Variants in ZNF778 observed in about 807,000 individuals in gnomAD.
The protein encoded by ZNF778 is zinc finger protein 778.
ZNF778 carries 37 observed loss-of-function variants against 23.9 expected under a neutral mutation model. That is an observed-to-expected ratio of 1.54 (90% confidence interval 1.19 to 2.03). The LOEUF is 2.03. Ranked by LOEUF, ZNF778 falls within the 30% of genes most tolerant of loss-of-function variation. ZNF778 has a pLI of 0.00. For synonymous variants in ZNF778, 483 were observed against 343.9 expected (o/e 1.40, Z -4.48); for missense variants, 1,297 against 934.4 (o/e 1.39, Z -5.06).
At chr16:89,224,682 G>A (rs1460121999) in intron 4 of ZNF778, 37 bp from the exon 5 acceptor site, 2 of 1,465,338 alleles carry the variant, frequency 1.4e-6, no homozygotes, top group South Asian at 1.2e-5. Context: ...TCCCCTGCCT[G>A]AGCCTCTTCC....
intron 3 of ZNF778, among the ~76,000 whole-genome samples, chr16:89,222,452 C>T (rs1326899088): frequency 6.6e-6 from 1 of 152,224 alleles, no homozygotes; most frequent in Admixed American, 6.5e-5. Context: ...CAATCTCCGC[C>T]TCCCAGGTTC....
rs571870646 is a variant in ZNF778, at chr16:89,226,616, A to T, written c.406-78A>T. Reference sequence around the variant, plus strand: ...GGCAAAAATCGTAATCATCATCGTCATGCTCTGTCTTCAGCTGGGTGAGAT... The same window carrying T: ...GGCAAAAATCGTAATCATCATCGTCTTGCTCTGTCTTCAGCTGGGTGAGAT... On this transcript the variant is annotated intron_variant, in intron 6 of 6. Coordinates refer to ENST00000433976, the MANE Select transcript of ZNF778 (RefSeq NM_001201407.2). The T allele has an allele frequency of 3.3e-5, 43 of 1,302,014 alleles. No homozygotes were observed. In the African/African-American group the frequency reaches 5.0e-4, roughly 15 times the overall value. 80.7% of individuals were successfully genotyped at this position (1,302,014 alleles called of 1,614,324 possible).
Position 89,230,034 on chromosome 16 carries a change from C to G in ZNF778, c.*1472C>G, listed in dbSNP as rs1032465816. On this transcript the variant is annotated 3_prime_UTR_variant, in exon 7 of 7. Transcript: ENST00000433976. Reference sequence around the variant, plus strand: ...CTCTGGTTGGTTAGTCTTAAGTATCCAGATGGGATCCTGTATGAGCAGCGT... The same window carrying G: ...CTCTGGTTGGTTAGTCTTAAGTATCGAGATGGGATCCTGTATGAGCAGCGT... 10 of 979,172 alleles carry G rather than the reference C, an allele frequency of 1.0e-5. No individual in the cohort carries two copies. The highest frequency in any genetic ancestry group is 1.8e-5 in the African/African-American group (1 of 56,974). The allele number at this position is 979,172 out of a possible 1,614,324, so 60.7% of individuals were successfully genotyped here.
rs372376463 is a variant in ZNF778 at position 89,227,886 on chromosome 16, A to G, written c.1598A>G (p.Tyr533Cys). The G allele has an allele frequency of 8.7e-6, 14 of 1,614,056 alleles. No homozygotes were observed. Among genetic ancestry groups the G allele is most frequent in the African/African-American group, 6.7e-5 (5 of 74,934 alleles). The change falls in exon 7 of 7, where the codon TAT (tyrosine) becomes TGT (cysteine). Residue 533 changes from tyrosine (Y) to cysteine (C), a missense_variant. Coordinates refer to ENST00000433976, the MANE Select transcript of ZNF778 (RefSeq NM_001201407.2). The part of the protein sequence containing the change: ...HMRTHTGEKP[Y>C]ECKDCGKAYN... ...CGGACACACACCGGGGAGAAGCCCT[A>G]TGAATGTAAGGACTGTGGGAAAGCC...
In ZNF778 at chr16:89,232,803, T is replaced by A. The variant is rs1467068418; in HGVS notation, c.*4241T>A. On this transcript the variant is annotated 3_prime_UTR_variant, in exon 7 of 7. Transcript: ENST00000433976. The stretch of plus-strand genomic sequence containing the variant: ...TCACTGCATATGCACATCAACTCAC[T>A]GCATATGCAACTCAACTCACACCGT... 1.3e-5 allele frequency: 17 copies of A among 1,284,394 alleles called. No homozygotes were observed. In the East Asian group the frequency reaches 9.4e-4, roughly 71 times the overall value. The allele number at this position is 1,284,394 out of a possible 1,614,324, so 79.6% of individuals were successfully genotyped here.
At chr16:89,225,848 G>C (rs1164421705) in intron 6 of ZNF778, among the ~76,000 whole-genome samples, 1 of 152,006 alleles carries the variant, frequency 6.6e-6, no homozygotes, top group Non-Finnish European at 1.5e-5. Flanking sequence ...CACATGACGA[G>C]GTCTTGAGAT....
Position 89,234,450 on chromosome 16 carries a change from G to A in ZNF778, c.*5888G>A, listed in dbSNP as rs113243631. On this transcript the variant is annotated 3_prime_UTR_variant, in exon 7 of 7. Coordinates refer to ENST00000433976, the MANE Select transcript of ZNF778 (RefSeq NM_001201407.2). ...ATAGTATGAACATGGTTTTGCTTAC[G>A]CTGGCTATTTTCCTTTTTGGATGAA... is the stretch of plus-strand genomic sequence containing the variant. 867 of 184,822 alleles carry A rather than the reference G, an allele frequency of 4.7e-3. 5 individuals carry two copies. Among genetic ancestry groups the A allele is most frequent in the African/African-American group, 0.019 (814 of 42,164 alleles). 11.4% of individuals were successfully genotyped at this position (184,822 alleles called of 1,614,324 possible).
chr16:89,222,242 G>C lies in ZNF778; in HGVS notation c.117+59G>C, dbSNP rs558131711. 83 of 1,379,890 alleles carry C rather than the reference G, an allele frequency of 6.0e-5. 1 individual carries two copies. In the South Asian group the frequency reaches 6.7e-4, roughly 11 times the overall value. The allele number at this position is 1,379,890 out of a possible 1,614,324, so 85.5% of individuals were successfully genotyped here. ...ATACTGGTATTCAGCAGATAGACAA[G>C]TTTCTGTCTGAGCAGACTTGTCTGC... is the stretch of plus-strand genomic sequence containing the variant. On this transcript the variant is annotated intron_variant, in intron 3 of 6. Coordinates refer to ENST00000433976, the MANE Select transcript of ZNF778 (RefSeq NM_001201407.2).
chr16:89,228,610 A>T lies in ZNF778; in HGVS notation c.*48A>T, dbSNP rs751940644. On this transcript the variant is annotated 3_prime_UTR_variant, in exon 7 of 7. Coordinates refer to ENST00000433976, the MANE Select transcript of ZNF778 (RefSeq NM_001201407.2). ...TCAGCTACACTCATTCACGTTGAAG[A>T]CATGAAAGACCTCTCGTTCTCCAGA... The T allele has an allele frequency of 6.6e-7, 1 of 1,525,506 alleles. No homozygotes were observed. Among genetic ancestry groups the T allele is most frequent in the Admixed American group, 2.2e-5 (1 of 44,630 alleles). The allele number at this position is 1,525,506 out of a possible 1,614,324, so 94.5% of individuals were successfully genotyped here.
chr16:89,220,926 C>G, intron 1 of ZNF778, 71 bp from the exon 2 acceptor site: 1 of 589,392 alleles, frequency 1.7e-6, no homozygotes, highest in East Asian at 2.9e-5. Flanking sequence ...TCACATATAT[C>G]ATCTGCAGAA....
intron 5 of ZNF778, 86 bp from the exon 6 acceptor site, chr16:89,225,464 TCTTTG>T: frequency 9.3e-7 from 1 of 1,078,930 alleles, no homozygotes; most frequent in Non-Finnish European, 1.4e-6. Context: ...CTTAAATCTA[TCTTTG>T]CTTTGTTTTT....
rs369391115 is a variant in ZNF778, at chr16:89,227,587, C to T, written c.1299C>T (p.Arg433=). The T allele has an allele frequency of 3.3e-5, 53 of 1,614,034 alleles. 1 individual carries two copies. The highest frequency in any genetic ancestry group is 4.3e-5 in the Non-Finnish European group (51 of 1,180,030). ...CSYCGKAFTV[R]CGLTRHVRTH... is the part of the protein sequence containing the mutation. ...ACTGTGGGAAGGCCTTCACTGTGCG[C>T]TGTGGCCTTACTAGACACGTACGAA... is the stretch of plus-strand genomic sequence containing the variant. The change falls in exon 7 of 7, where the codon CGC becomes CGT. Residue 433 remains arginine (R), a synonymous_variant. Coordinates refer to ENST00000433976, the MANE Select transcript of ZNF778 (RefSeq NM_001201407.2).
At chr16:89,226,593 C>T in intron 6 of ZNF778, 101 bp from the exon 7 acceptor site, 2 of 1,126,250 alleles carry the variant, frequency 1.8e-6, no homozygotes, top group Non-Finnish European at 2.5e-6. Context: ...ATGAAAATGG[C>T]AAAAATCGTA....
chr16:89,223,595 A>T (rs1000162116), intron 4 of ZNF778, among the ~76,000 whole-genome samples: 2 of 152,092 alleles, frequency 1.3e-5, no homozygotes, highest in African/African-American at 4.8e-5. Flanking sequence ...TCACTCTAAC[A>T]CTGAGAACCA....
rs2031974781 is a variant in ZNF778, at chr16:89,232,448, G to T, written c.*3886G>T. 2 of 361,322 alleles carry T rather than the reference G, an allele frequency of 5.5e-6. No homozygotes were observed. Among genetic ancestry groups the T allele is most frequent in the Non-Finnish European group, 1.0e-5 (2 of 197,552 alleles). The allele number at this position is 361,322 out of a possible 1,614,324, so 22.4% of individuals were successfully genotyped here. ...ACAGACAGACTAAGACACCAAGCATGATGGAAAACTGGGTTATGGGCAGGA... is the reference window on the plus strand; with the variant it reads ...ACAGACAGACTAAGACACCAAGCATTATGGAAAACTGGGTTATGGGCAGGA... On this transcript the variant is annotated 3_prime_UTR_variant, in exon 7 of 7. Coordinates refer to ENST00000433976, the MANE Select transcript of ZNF778 (RefSeq NM_001201407.2).
rs1006142844 is a variant in ZNF778, at chr16:89,234,725, G to A, written c.*6163G>A. ...AAGGTCAGGAGATCAAGACCATCCTGGCCAACATGGTGAAACGCCATCTCT... is the reference window on the plus strand; with the variant it reads ...AAGGTCAGGAGATCAAGACCATCCTAGCCAACATGGTGAAACGCCATCTCT... On this transcript the variant is annotated 3_prime_UTR_variant, in exon 7 of 7. Transcript: ENST00000433976. 1 of 152,748 alleles carries A rather than the reference G, an allele frequency of 6.5e-6. No individual in the cohort carries two copies. The highest frequency in any genetic ancestry group is 2.4e-5 in the African/African-American group (1 of 41,434). 9.5% of individuals were successfully genotyped at this position (152,748 alleles called of 1,614,324 possible).
intron 6 of ZNF778, 137 bp downstream of exon 6, chr16:89,225,768 CTGAA>C: frequency 1.3e-6 from 1 of 784,618 alleles, no homozygotes; most frequent in Admixed American, 2.8e-5. Flanking sequence ...AGAGAACACT[CTGAA>C]TGTGCGGAAT....
chr16:89,221,642 G>A (rs2030960419), intron 2 of ZNF778, among the ~76,000 whole-genome samples: 1 of 139,312 alleles, frequency 7.2e-6, no homozygotes, highest in South Asian at 2.3e-4. Context: ...TTTTCCTGAG[G>A]CATTGTATGG....
chr16:89,230,128 G>A lies in ZNF778; in HGVS notation c.*1566G>A. 1 of 727,154 alleles carries A rather than the reference G, an allele frequency of 1.4e-6. No homozygotes were observed. The highest frequency in any genetic ancestry group is 1.7e-6 in the Non-Finnish European group (1 of 595,442). The allele number at this position is 727,154 out of a possible 1,614,324, so 45.0% of individuals were successfully genotyped here. On this transcript the variant is annotated 3_prime_UTR_variant, in exon 7 of 7. Transcript: ENST00000433976. The stretch of plus-strand genomic sequence containing the variant: ...TAGGGTCCCACACTGGCCAATGTTG[G>A]GGCATAACACAGCTCTACATTTTAT...
Sources: gnomAD v4.1 joint callset for allele counts (sites outside exome capture counted in the v4.1 genomes callset) on GRCh38, gnomAD v4.1.1 for gene constraint, MANE v1.5 for transcripts, NCBI Gene and HGNC (gene_info 2026-07-23, HGNC 2026-07-21) for gene names.